Variants in EIPR1 observed in about 807,000 individuals in gnomAD.
EIPR1 encodes the protein EARP and GARP complex-interacting protein 1.
A neutral mutation model predicts 48.1 loss-of-function variants in EIPR1; 25 were observed. The observed-to-expected ratio is 0.52, with a 90% confidence interval of 0.38 to 0.73. EIPR1 has a LOEUF of 0.73. Ranked by LOEUF, EIPR1 falls within the 30% of genes least tolerant of loss-of-function variation. The pLI is 0.00. For synonymous variants in EIPR1, 204 were observed against 201.9 expected, an observed-to-expected ratio of 1.01 and a Z score of -0.09; for missense variants, 415 against 506.2, an observed-to-expected ratio of 0.82 and a Z score of 1.73.
Position 3,189,581 on chromosome 2 carries a change from C to G in EIPR1, c.990-73G>C. The G allele has an allele frequency of 7.2e-7, 1 of 1,388,642 alleles. No individual in the cohort carries two copies. The highest frequency in any genetic ancestry group is 9.6e-7 in the Non-Finnish European group (1 of 1,041,198). 86.0% of individuals were successfully genotyped at this position (1,388,642 alleles called of 1,614,324 possible). A position where few individuals can be genotyped will look rare whatever the true frequency, so the allele number is the denominator to read the frequency against. ...GGGCAGGAGAGGGGCAGGGAGGACG[C>G]GAGCGCTGACATCGGGAGACACGGG... On this transcript the variant is annotated intron_variant, in intron 8 of 8. Transcript: ENST00000382125. This position sits in a 1 kb window ranked among gnomAD's most constrained non-coding sequence, Gnocchi z 4.6.
intron 5 of EIPR1, among the ~76,000 whole-genome samples, chr2:3,204,989 C>T (rs757745626): frequency 6.6e-5 from 10 of 152,196 alleles, no homozygotes; most frequent in Non-Finnish European, 1.3e-4. Flanking sequence ...GCACGCTGAC[C>T]AATACCAAGG....
intron 4 of EIPR1, among the ~76,000 whole-genome samples, chr2:3,232,021 A>AT (rs1363051121): frequency 3.3e-5 from 5 of 151,996 alleles, no homozygotes; most frequent in Non-Finnish European, 7.4e-5. Context: ...CTCATTGTTG[A>AT]TTTATTCAGA....
intron 3 of EIPR1, among the ~76,000 whole-genome samples, chr2:3,321,862 G>A (rs912556605): frequency 3.3e-5 from 5 of 152,160 alleles, no homozygotes; most frequent in African/African-American, 9.7e-5. Flanking sequence ...TGAACAGAAG[G>A]CACAGACGCT....
intron 3 of EIPR1, among the ~76,000 whole-genome samples, chr2:3,326,257 C>T (rs2103332476): frequency 6.6e-6 from 1 of 152,328 alleles, no homozygotes; most frequent in East Asian, 1.9e-4. Flanking sequence ...CATTATTTAA[C>T]AGCGGTGTTA....
chr2:3,308,075 G>A (rs1669005965), intron 3 of EIPR1, among the ~76,000 whole-genome samples: 1 of 152,240 alleles, frequency 6.6e-6, no homozygotes, highest in African/African-American at 2.4e-5. Flanking sequence ...GGCCGACGCT[G>A]TCGGCCGTGT....
chr2:3,282,325 T>TAAAA lies in EIPR1; in HGVS notation c.260-24871_260-24870insTTTT, dbSNP rs770721030. On this transcript the variant is annotated intron_variant, in intron 3 of 8. Transcript: ENST00000382125. Reference sequence around the variant, plus strand: ...AGCTGCCCTGGACTGAACATGCTTTTACCCTCAGACCAAGTGGTGAAATCT... The same window carrying TAAAA: ...AGCTGCCCTGGACTGAACATGCTTTTAAAAACCCTCAGACCAAGTGGTGAAATCT... The TAAAA allele has an allele frequency of 6.6e-5, 10 of 152,392 alleles. No homozygotes were observed. In the East Asian group the frequency reaches 1.9e-3, roughly 29 times the overall value. 9.4% of individuals were successfully genotyped at this position (152,392 alleles called of 1,614,324 possible).
At chr2:3,288,635 G>A (rs766764828) in intron 3 of EIPR1, among the ~76,000 whole-genome samples, 132 of 152,282 alleles carry the variant, frequency 8.7e-4, no homozygotes, top group African/African-American at 5.8e-4. Context: ...CCAGTTCCTC[G>A]GGCATCAGAG....
intron 1 of EIPR1, among the ~76,000 whole-genome samples, chr2:3,357,838 G>A (rs1670766028): frequency 6.6e-6 from 1 of 152,084 alleles, no homozygotes; most frequent in Admixed American, 6.5e-5. Context: ...AAGGAATGTG[G>A]GTGCCTCTGA....
At chr2:3,302,781 G>C (rs551607976) in intron 3 of EIPR1, among the ~76,000 whole-genome samples, 1 of 152,332 alleles carries the variant, frequency 6.6e-6, no homozygotes, top group South Asian at 2.1e-4. Context: ...CAGACGACAG[G>C]CTCCCAAAGG....
At chr2:3,199,682 C>T (rs1375761395) in intron 5 of EIPR1, among the ~76,000 whole-genome samples, 2 of 56,050 alleles carry the variant, frequency 3.6e-5, no homozygotes, top group African/African-American at 1.3e-4. Context: ...ACAGAGGTAA[C>T]AGGGCTGTGT....
chr2:3,354,462 A>G, intron 2 of EIPR1, 88 bp downstream of exon 2: 1 of 1,227,032 alleles, frequency 8.1e-7, no homozygotes, highest in Admixed American at 2.1e-5. Flanking sequence ...TAATTTCTCA[A>G]ATGTTGCTGG....
At chr2:3,367,801 C>A (rs1009805445) in intron 1 of EIPR1, among the ~76,000 whole-genome samples, 2 of 152,168 alleles carry the variant, frequency 1.3e-5, no homozygotes, top group African/African-American at 4.8e-5. Flanking sequence ...GTAATCCCAG[C>A]ACTTTGGGAG....
chr2:3,355,120 T>C (rs138373497), intron 1 of EIPR1, among the ~76,000 whole-genome samples: 3 of 152,278 alleles, frequency 2.0e-5, no homozygotes, highest in African/African-American at 7.2e-5. Context: ...AATGCCAAGA[T>C]CCAGGACAGG....
intron 4 of EIPR1, among the ~76,000 whole-genome samples, chr2:3,252,516 G>A (rs995457071): frequency 1.3e-5 from 2 of 152,260 alleles, no homozygotes; most frequent in Non-Finnish European, 2.9e-5. Flanking sequence ...GCTTGAACCC[G>A]GGAGACAGAG....
chr2:3,227,695 A>G (rs1666109052), intron 4 of EIPR1, among the ~76,000 whole-genome samples: 1 of 152,210 alleles, frequency 6.6e-6, no homozygotes, highest in South Asian at 2.1e-4. Context: ...GAGGCCTAAG[A>G]GAAAAAAAAT....
Position 3,210,627 on chromosome 2 carries a change from C to CT in EIPR1, c.516+3521dup, listed in dbSNP as rs56963007. On this transcript the variant is annotated intron_variant, in intron 5 of 8. Coordinates refer to ENST00000382125, the MANE Select transcript of EIPR1 (RefSeq NM_003310.5). Reference sequence around the variant, plus strand: ...TCTTCTCACTGTTTACCTCCCAATTCTTTTTTTTTTTTTTTTTTTTTGAGA... The same window carrying CT: ...TCTTCTCACTGTTTACCTCCCAATTCTTTTTTTTTTTTTTTTTTTTTTGAGA... 2.2e-3 allele frequency among the ~76,000 whole-genome samples: 258 copies of CT among 118,400 alleles called. 31 individuals are homozygous for CT. Among genetic ancestry groups the CT allele is most frequent in the African/African-American group, 4.0e-3 (127 of 31,736 alleles). The allele number at this position is 118,400 out of a possible 152,430, so 77.7% of individuals were successfully genotyped here. A position where few individuals can be genotyped will look rare whatever the true frequency, so the allele number is the denominator to read the frequency against.
At position 3,317,265 on chromosome 2, in the gene EIPR1, T is replaced by G. The variant is rs923618407; in HGVS notation, c.259+20752A>C. Among the ~76,000 whole-genome samples the G allele has an allele frequency of 4.2e-4, 62 of 146,308 alleles. 1 individual carries two copies. The highest frequency in any genetic ancestry group is 1.5e-3 in the South Asian group (7 of 4,524). On this transcript the variant is annotated intron_variant, in intron 3 of 8. Transcript: ENST00000382125. ...CTGAGGACCTACTGTGCGCCTTGCA[T>G]GCCGGGTAGAGAACAGAGCCCCAGG...
At position 3,291,402 on chromosome 2, in the gene EIPR1, T is replaced by C. The variant is rs144045056; in HGVS notation, c.260-33947A>G. Among the ~76,000 whole-genome samples, 182 of 152,294 alleles carry C rather than the reference T, an allele frequency of 1.2e-3. 1 individual carries two copies. The highest frequency in any genetic ancestry group is 1.6e-3 in the Non-Finnish European group (108 of 68,020). On this transcript the variant is annotated intron_variant, in intron 3 of 8. Transcript: ENST00000382125. ...CAGTTCTGCAGTGTACCCAAATCCA[T>C]ATATTAGACTATGCTGGGTGCTGAA...
intron 7 of EIPR1, among the ~76,000 whole-genome samples, chr2:3,193,685 T>C (rs574275939): frequency 1.3e-5 from 2 of 152,208 alleles, no homozygotes; most frequent in Non-Finnish European, 2.9e-5. Context: ...GTGATGGACA[T>C]TTGGGTGGTT....
Sources: gnomAD v4.1 joint callset for allele counts (sites outside exome capture counted in the v4.1 genomes callset) on GRCh38, gnomAD v4.1.1 for gene constraint, Gnocchi (gnomAD v3.1) non-coding constraint, MANE v1.5 for transcripts, NCBI Gene and HGNC (gene_info 2026-07-23, HGNC 2026-07-21) for gene names.